Variants in ANKFN1 observed in about 807,000 individuals in gnomAD.
ANKFN1 encodes ankyrin repeat and fibronectin type III domain containing 1.
A neutral mutation model predicts 108.7 loss-of-function variants in ANKFN1; 74 were observed. The ratio of observed to expected loss-of-function variants is 0.68; its 90% CI spans 0.56 to 0.83. The LOEUF (loss-of-function observed/expected upper bound fraction) is 0.83, where lower values mean the gene tolerates loss of function less well. Ranked by LOEUF, ANKFN1 falls within the 40% of genes least tolerant of loss-of-function variation. The pLI is 0.00. For synonymous variants in ANKFN1, 547 were observed against 516.2 expected, an observed-to-expected ratio of 1.06 and a Z score of -0.81; for missense variants, 1,505 against 1,382.3, an observed-to-expected ratio of 1.09 and a Z score of -1.41.
intron 19 of ANKFN1, among the ~76,000 whole-genome samples, chr17:56,495,596 G>A (rs757217276): frequency 1.7e-4 from 26 of 152,138 alleles, no homozygotes; most frequent in Non-Finnish European, 3.4e-4. Flanking sequence ...CCTGGGCCAC[G>A]GGAGGTGTAG....
chr17:56,457,523 T>C lies in ANKFN1; in HGVS notation c.1440+134T>C, dbSNP rs2049750186. On this transcript the variant is annotated intron_variant, in intron 13 of 20. Transcript: ENST00000682825. ...AAATAAAGTATCTCCAAGGTCCTTT[T>C]CAGCCCTGGTATGCCCTATGTCATT... is the stretch of plus-strand genomic sequence containing the variant. The C allele has an allele frequency of 5.0e-6, 5 of 1,003,364 alleles. No homozygotes were observed. In the African/African-American group the frequency reaches 8.1e-5, roughly 16 times the overall value. The allele number at this position is 1,003,364 out of a possible 1,614,324, so 62.2% of individuals were successfully genotyped here.
intron 4 of ANKFN1, among the ~76,000 whole-genome samples, chr17:56,105,707 TTGTC>T (rs778835232): frequency 1.3e-5 from 1 of 76,324 alleles, no homozygotes; most frequent in African/African-American, 7.7e-5. Context: ...GGGGGTTTTT[TTGTC>T]TGTGTGTGTG....
chr17:56,385,215 G>A (rs1482886231), intron 8 of ANKFN1, among the ~76,000 whole-genome samples: 1 of 152,096 alleles, frequency 6.6e-6, no homozygotes, highest in Non-Finnish European at 1.5e-5. Flanking sequence ...AACAAGCAAT[G>A]GGGAAAGGAT....
intron 3 of ANKFN1, among the ~76,000 whole-genome samples, chr17:56,306,104 A>AT (rs2044816009): frequency 6.6e-6 from 1 of 152,136 alleles, no homozygotes; most frequent in East Asian, 1.9e-4. Context: ...CTCCCAATTT[A>AT]TTTTTGTCTT....
chr17:56,445,705 G>A (rs1191364779), intron 10 of ANKFN1, among the ~76,000 whole-genome samples: 1 of 152,168 alleles, frequency 6.6e-6, no homozygotes, highest in Non-Finnish European at 1.5e-5. Flanking sequence ...ATATGTTCCA[G>A]TAGGCTATAA....
intron 4 of ANKFN1, among the ~76,000 whole-genome samples, chr17:56,113,970 G>A (rs1314481803): frequency 6.6e-6 from 1 of 152,104 alleles, no homozygotes; most frequent in Non-Finnish European, 1.5e-5. Flanking sequence ...GAACAGAAGA[G>A]GATCTTAGAG....
At chr17:56,055,088 C>T (rs770387473) in intron 4 of ANKFN1, among the ~76,000 whole-genome samples, 14 of 147,968 alleles carry the variant, frequency 9.5e-5, no homozygotes, top group Non-Finnish European at 1.9e-4. Context: ...TTCTTTGATT[C>T]AGGGGGTGCA....
chr17:56,163,009 TGG>T (rs1598162023), intron 1 of ANKFN1, among the ~76,000 whole-genome samples: 2 of 147,542 alleles, frequency 1.4e-5, no homozygotes, highest in East Asian at 4.0e-4. Flanking sequence ...CACTCCAGCC[TGG>T]GTGACGAGAG....
chr17:56,247,133 A>G (rs1034191585), intron 3 of ANKFN1, among the ~76,000 whole-genome samples: 1 of 152,230 alleles, frequency 6.6e-6, no homozygotes, highest in Non-Finnish European at 1.5e-5. Context: ...CAAAAATACA[A>G]TAAGCTACTC....
Position 56,466,580 on chromosome 17 carries a change from T to A in ANKFN1, c.1773+9T>A. The A allele has an allele frequency of 6.3e-7, 1 of 1,591,510 alleles. No individual in the cohort carries two copies. The highest frequency in any genetic ancestry group is 1.1e-5 in the South Asian group (1 of 88,354). ...TACTGATAACCATCCAGGTATGTAGTTTTTTTCTTAATTCCCGGGTATACT... is the reference window on the plus strand; with the variant it reads ...TACTGATAACCATCCAGGTATGTAGATTTTTTCTTAATTCCCGGGTATACT... On this transcript the variant is annotated intron_variant, in intron 15 of 20. Coordinates refer to ENST00000682825, the MANE Select transcript of ANKFN1 (RefSeq NM_001370326.1).
At chr17:56,239,050 TG>T (rs1917383177) in intron 3 of ANKFN1, among the ~76,000 whole-genome samples, 1 of 152,154 alleles carries the variant, frequency 6.6e-6, no homozygotes, top group Admixed American at 6.6e-5. Context: ...GCCATGAAAA[TG>T]TTTTCATCTT....
At chr17:56,054,343 A>T (rs1179033440) in intron 4 of ANKFN1, among the ~76,000 whole-genome samples, 2 of 152,184 alleles carry the variant, frequency 1.3e-5, no homozygotes, top group Non-Finnish European at 2.9e-5. Flanking sequence ...TTATTTCACC[A>T]AGAAACTCAC....
At chr17:56,277,285 T>C (rs547602459) in intron 3 of ANKFN1, among the ~76,000 whole-genome samples, 2 of 152,288 alleles carry the variant, frequency 1.3e-5, no homozygotes, top group East Asian at 1.9e-4. Flanking sequence ...CTAGACAAAC[T>C]GGTAATGAGA....
At chr17:56,508,179 C>A (rs1567715094) in intron 20 of ANKFN1, among the ~76,000 whole-genome samples, 1 of 152,178 alleles carries the variant, frequency 6.6e-6, no homozygotes, top group Non-Finnish European at 1.5e-5. Context: ...AGCTGGCCTC[C>A]CTGCTATCTC....
intron 4 of ANKFN1, among the ~76,000 whole-genome samples, chr17:56,331,254 G>A (rs910967061): frequency 5.3e-5 from 8 of 152,058 alleles, no homozygotes; most frequent in African/African-American, 1.7e-4. Flanking sequence ...GTTGCCATAA[G>A]TTCTATACAT....
intron 2 of ANKFN1, among the ~76,000 whole-genome samples, chr17:56,222,623 C>T (rs1404798283): frequency 2.6e-5 from 4 of 152,100 alleles, no homozygotes; most frequent in Non-Finnish European, 4.4e-5. Flanking sequence ...GTTCTTGAAA[C>T]TCAAAAATAT....
At chr17:56,150,694 A>C (rs1020492141), upstream of ANKFN1, among the ~76,000 whole-genome samples, 7 of 152,230 alleles carry the variant, frequency 4.6e-5, no homozygotes, top group East Asian at 1.4e-3. Context: ...GCCGAGCACC[A>C]AAATATCGTC....
Position 56,353,928 on chromosome 17 carries a change from A to G in ANKFN1, c.483A>G (p.Glu161=). The change falls in exon 6 of 21, where the codon GAA becomes GAG. Residue 161 remains glutamate, a synonymous_variant. Transcript: ENST00000682825. Reference sequence around the variant, plus strand: ...TCCTGTATCAGTACACACCAGAAGAACTTGACCTCAACACACCTAACAGCG... The same window carrying G: ...TCCTGTATCAGTACACACCAGAAGAGCTTGACCTCAACACACCTAACAGCG... ...QILLYQYTPE[E]LDLNTPNSEG... 6.2e-7 allele frequency: 1 copy of G among 1,614,016 alleles called. No individual in the cohort carries two copies. The highest frequency in any genetic ancestry group is 8.5e-7 in the Non-Finnish European group (1 of 1,179,966).
intron 4 of ANKFN1, among the ~76,000 whole-genome samples, chr17:56,057,465 G>A (rs973220761): frequency 5.6e-4 from 85 of 152,070 alleles, no homozygotes; most frequent in African/African-American, 2.0e-3. Flanking sequence ...ATACAGCAGC[G>A]ATAGACTTAA....
Sources: allele counts gnomAD v4.1 joint callset (sites outside exome capture counted in the v4.1 genomes callset), GRCh38; gene constraint gnomAD v4.1.1; transcripts MANE v1.5; gene names NCBI Gene and HGNC (gene_info 2026-07-23, HGNC 2026-07-21).